The following ARHGAP25 variants were observed in gnomAD, a reference collection of about 807,000 sequenced individuals.
ARHGAP25 encodes the protein rho GTPase-activating protein 25.
ARHGAP25 carries 34 observed loss-of-function variants against 71.0 expected under a neutral mutation model. The ratio of observed to expected loss-of-function variants is 0.48; its 90% CI spans 0.36 to 0.64. ARHGAP25 has a LOEUF of 0.64. ARHGAP25 is among the 30% of genes least tolerant of loss of function. ARHGAP25 has a pLI of 0.00. For synonymous variants in ARHGAP25, 282 were observed against 296.5 expected, an observed-to-expected ratio of 0.95 and a Z score of 0.50; for missense variants, 706 against 805.1, an observed-to-expected ratio of 0.88 and a Z score of 1.49.
chr2:68,715,305 A>T (rs947546459), intron 2 of ARHGAP25, among the ~76,000 whole-genome samples: 1 of 152,172 alleles, frequency 6.6e-6, no homozygotes. Flanking sequence ...CCAGCAACCC[A>T]TGTGCTATTT....
chr2:68,820,999 C>T (rs959312270), intron 9 of ARHGAP25, among the ~76,000 whole-genome samples: 1 of 151,962 alleles, frequency 6.6e-6, no homozygotes, highest in Non-Finnish European at 1.5e-5. Context: ...CTCATATGAC[C>T]TCATGTTTTC....
chr2:68,726,369 G>T (rs1487883715), intron 2 of ARHGAP25, among the ~76,000 whole-genome samples: 1 of 152,204 alleles, frequency 6.6e-6, no homozygotes, highest in African/African-American at 2.4e-5. Context: ...ACGTAATACA[G>T]AACAATGGCC....
At chr2:68,723,887 T>C (rs979197901) in intron 2 of ARHGAP25, among the ~76,000 whole-genome samples, 8 of 151,858 alleles carry the variant, frequency 5.3e-5, no homozygotes, top group Non-Finnish European at 8.8e-5. Context: ...TCTCTTTCTC[T>C]CTCGGTGGGG....
chr2:68,789,409 A>G (rs764603216), intron 4 of ARHGAP25, among the ~76,000 whole-genome samples: 5 of 152,228 alleles, frequency 3.3e-5, no homozygotes, highest in Non-Finnish European at 5.9e-5. Context: ...ATGTTAAACA[A>G]CCAAGAAAGA....
intron 1 of ARHGAP25, among the ~76,000 whole-genome samples, chr2:68,738,197 G>A (rs181305281): frequency 2.6e-5 from 4 of 151,166 alleles, no homozygotes; most frequent in Admixed American, 6.6e-5. Context: ...CTGCCTTCAC[G>A]CAGTTACTCA....
chr2:68,824,288 A>C (rs7579103), intron 10 of ARHGAP25, among the ~76,000 whole-genome samples: 1 of 152,052 alleles, frequency 6.6e-6, no homozygotes, highest in Non-Finnish European at 1.5e-5. Context: ...TGAATCCATC[A>C]GTTGGGGAAG....
chr2:68,756,263 C>T (rs192534502), intron 1 of ARHGAP25, among the ~76,000 whole-genome samples: 82 of 152,262 alleles, frequency 5.4e-4, no homozygotes, highest in African/African-American at 1.9e-3. Flanking sequence ...GTGCAGGGGC[C>T]GAATGGGAAA....
At chr2:68,719,909 C>T (rs35278346) in intron 2 of ARHGAP25, among the ~76,000 whole-genome samples, 4,904 of 152,292 alleles carry the variant, frequency 0.032, 115 homozygotes, top group East Asian at 0.11. Flanking sequence ...TCATAATCAC[C>T]TGTTTTATTC....
At chr2:68,751,181 G>A (rs537277234) in intron 1 of ARHGAP25, among the ~76,000 whole-genome samples, 3 of 152,234 alleles carry the variant, frequency 2.0e-5, no homozygotes, top group East Asian at 3.9e-4. Flanking sequence ...TCATCCTCAC[G>A]CTGAGCCCAG....
intron 4 of ARHGAP25, among the ~76,000 whole-genome samples, chr2:68,805,268 GT>G (rs1179081051): frequency 2.6e-5 from 4 of 152,152 alleles, no homozygotes; most frequent in Admixed American, 6.5e-5. Flanking sequence ...AGGAAAGCAG[GT>G]GGGTGCCAAG....
chr2:68,733,780 T>C (rs779977774), upstream of ARHGAP25, among the ~76,000 whole-genome samples: 1 of 152,188 alleles, frequency 6.6e-6, no homozygotes, highest in Non-Finnish European at 1.5e-5. Context: ...GACAGAGTCA[T>C]CTAGGAGAGT....
intron 1 of ARHGAP25, among the ~76,000 whole-genome samples, chr2:68,736,103 G>GTATTAAGGTGTTTC (rs1675208112): frequency 6.6e-6 from 1 of 152,190 alleles, no homozygotes; most frequent in African/African-American, 2.4e-5. Context: ...ATATAGATAA[G>GTATTAAGGTGTTTC]TATTAAGGTG....
At chr2:68,795,314 A>T (rs1445045031) in intron 4 of ARHGAP25, among the ~76,000 whole-genome samples, 3 of 151,070 alleles carry the variant, frequency 2.0e-5, no homozygotes, top group African/African-American at 7.3e-5. Flanking sequence ...GCTTATTTTG[A>T]GTTTGGTCTG....
intron 1 of ARHGAP25, among the ~76,000 whole-genome samples, chr2:68,741,637 C>A (rs1024322177): frequency 6.6e-6 from 1 of 152,158 alleles, no homozygotes; most frequent in Non-Finnish European, 1.5e-5. Context: ...AACTCCTGGG[C>A]CCAAGCAGTC....
chr2:68,789,571 AG>A (rs1679019302), intron 4 of ARHGAP25, among the ~76,000 whole-genome samples: 1 of 152,184 alleles, frequency 6.6e-6, no homozygotes, highest in African/African-American at 2.4e-5. Context: ...GTACATAATT[AG>A]GCCACATGCT....
intron 1 of ARHGAP25, among the ~76,000 whole-genome samples, chr2:68,748,459 A>T (rs1291926567): frequency 6.6e-6 from 1 of 152,202 alleles, no homozygotes; most frequent in African/African-American, 2.4e-5. Context: ...TTTGCACTAG[A>T]TCATAAGCTT....
intron 2 of ARHGAP25, among the ~76,000 whole-genome samples, chr2:68,726,923 T>C (rs1169456542): frequency 6.6e-6 from 1 of 152,188 alleles, no homozygotes; most frequent in East Asian, 1.9e-4. Context: ...TTTTTTCTTT[T>C]CCTTTCTGTT....
At chr2:68,823,714 A>C (rs538837199) in intron 10 of ARHGAP25, among the ~76,000 whole-genome samples, 51 of 152,240 alleles carry the variant, frequency 3.3e-4, no homozygotes, top group African/African-American at 1.2e-3. Context: ...GGTGGTTTCA[A>C]CCTGGTTTAT....
rs762957437 is a variant in ARHGAP25, at chr2:68,826,222, C to T, written c.*28C>T. ...GTCCCAGGAGTACTGCAGGGACAGC[C>T]CCAGAGAGGCCCAACTCTGGCCCCT... On this transcript the variant is annotated 3_prime_UTR_variant, in exon 11 of 11. Transcript: ENST00000409202. 1.5e-5 allele frequency: 24 copies of T among 1,596,296 alleles called. No homozygotes were observed. The East Asian group carries it at 5.1e-4, about 34-fold the overall frequency.
Sources: allele counts gnomAD v4.1 joint callset (sites outside exome capture counted in the v4.1 genomes callset), GRCh38; gene constraint gnomAD v4.1.1; transcripts MANE v1.5; gene names NCBI Gene and HGNC (gene_info 2026-07-23, HGNC 2026-07-21).